The following ARFGEF3 variants were observed in gnomAD, a reference collection of about 807,000 sequenced individuals.
ARFGEF3 encodes brefeldin A-inhibited guanine nucleotide-exchange protein 3.
A neutral mutation model predicts 221.7 loss-of-function variants in ARFGEF3; 96 were observed. The observed-to-expected ratio is 0.43, with a 90% confidence interval of 0.37 to 0.51. The LOEUF is 0.51. Ranked by LOEUF, ARFGEF3 falls within the 20% of genes least tolerant of loss-of-function variation. ARFGEF3 has a pLI of 0.00. For missense variants in ARFGEF3, 2,410 were observed against 2,789.9 expected (o/e 0.86, Z 3.07); for synonymous variants, 1,145 against 1,126.8 (o/e 1.02, Z -0.32).
intron 4 of ARFGEF3, chr6:138,216,078 A>C (rs1013454354): frequency 6.6e-6 from 1 of 151,738 alleles, no homozygotes; most frequent in African/African-American, 2.4e-5. Context: ...TTCCGGGTTC[A>C]AGCAATTCTC....
intron 2 of ARFGEF3, among the ~76,000 whole-genome samples, chr6:138,196,937 G>A (rs902597621): frequency 6.6e-6 from 1 of 151,948 alleles, no homozygotes; most frequent in African/African-American, 2.4e-5. Context: ...GGGTTCAAAC[G>A]ATTCTCCTGC....
chr6:138,342,840 G>A lies in ARFGEF3; in HGVS notation c.*6354G>A, dbSNP rs1237670169. 1 of 152,064 alleles carries A rather than the reference G, an allele frequency of 6.6e-6. No individual in the cohort carries two copies. Among genetic ancestry groups the A allele is most frequent in the South Asian group, 2.1e-4 (1 of 4,820 alleles). 9.4% of individuals were successfully genotyped at this position (152,064 alleles called of 1,614,324 possible). ...ACCTTCATCTTTCATTTAATTTTCTGGCGTAAATTAACATTTTAATTTCAT... is the reference window on the plus strand; with the variant it reads ...ACCTTCATCTTTCATTTAATTTTCTAGCGTAAATTAACATTTTAATTTCAT... On this transcript the variant is annotated 3_prime_UTR_variant, in exon 34 of 34. Coordinates refer to ENST00000251691, the MANE Select transcript of ARFGEF3 (RefSeq NM_020340.5).
At chr6:138,303,817 G>A (rs752603815) in intron 22 of ARFGEF3, among the ~76,000 whole-genome samples, 35 of 136,036 alleles carry the variant, frequency 2.6e-4, no homozygotes, top group East Asian at 7.0e-4. Flanking sequence ...AGCCAAGATC[G>A]TGCCATTGCG....
chr6:138,201,064 C>CA (rs1204221420), intron 2 of ARFGEF3, among the ~76,000 whole-genome samples: 1 of 151,972 alleles, frequency 6.6e-6, no homozygotes, highest in East Asian at 1.9e-4. Context: ...GACAAACATA[C>CA]AAAAAAATGC....
At chr6:138,218,120 A>G in intron 4 of ARFGEF3, 1 of 1,613,914 alleles carries the variant, frequency 6.2e-7, no homozygotes, top group Non-Finnish European at 8.5e-7. Flanking sequence ...TCATTGAGGA[A>G]CCTTTCATGG....
intron 12 of ARFGEF3, among the ~76,000 whole-genome samples, chr6:138,273,712 C>T (rs1317182138): frequency 6.6e-6 from 1 of 152,098 alleles, no homozygotes; most frequent in East Asian, 1.9e-4. Context: ...GTCTCTGGGG[C>T]ACTTTCCTTA....
chr6:138,268,309 C>G (rs1457423507), intron 12 of ARFGEF3, among the ~76,000 whole-genome samples: 1 of 152,146 alleles, frequency 6.6e-6, no homozygotes, highest in Non-Finnish European at 1.5e-5. Flanking sequence ...GTTATAAACC[C>G]TTTCTTTGAC....
intron 5 of ARFGEF3, among the ~76,000 whole-genome samples, chr6:138,236,995 C>G (rs1319781271): frequency 3.8e-5 from 2 of 52,902 alleles, no homozygotes; most frequent in Non-Finnish European, 6.5e-5. Flanking sequence ...GTTGAGAAGA[C>G]TGCCTTTTTT....
chr6:138,278,288 G>A (rs1288646857), intron 12 of ARFGEF3, among the ~76,000 whole-genome samples, 163 bp from the exon 13 acceptor site: 1 of 152,164 alleles, frequency 6.6e-6, no homozygotes, highest in Non-Finnish European at 1.5e-5. Context: ...ACCAGGCTGG[G>A]GTGTGTATCT....
chr6:138,280,270 A>G (rs1779175522), intron 14 of ARFGEF3, 106 bp downstream of exon 14: 1 of 1,096,674 alleles, frequency 9.1e-7, no homozygotes, highest in Non-Finnish European at 1.3e-6. Context: ...ACTTTGAAAC[A>G]GCACCCACAA....
Position 138,313,899 on chromosome 6 carries a change from T to C in ARFGEF3, c.4305T>C (p.Asp1435=), listed in dbSNP as rs146443960. ...RLQEQSASSE[D]GIESVLSDFD... ...AGGAACAGTCAGCCAGCAGTGAGGA[T>C]GGAATTGAATCAGTCCTGTCTGATT... The change falls in exon 26 of 34, where the codon GAT becomes GAC. Residue 1435 remains aspartate, a synonymous_variant. Transcript: ENST00000251691. 15 of 1,613,748 alleles carry C rather than the reference T, an allele frequency of 9.3e-6. No individual in the cohort carries two copies. The highest frequency in any genetic ancestry group is 1.2e-5 in the Non-Finnish European group (14 of 1,179,852).
chr6:138,193,823 A>G (rs1023200760), intron 2 of ARFGEF3, among the ~76,000 whole-genome samples: 2 of 152,232 alleles, frequency 1.3e-5, no homozygotes, highest in African/African-American at 2.4e-5. Context: ...TGAAGAGAAT[A>G]TGAAGTCAGT....
chr6:138,264,273 A>G (rs1778845453), intron 12 of ARFGEF3, among the ~76,000 whole-genome samples: 1 of 152,260 alleles, frequency 6.6e-6, no homozygotes, highest in East Asian at 1.9e-4. Flanking sequence ...GAGGAAGCAG[A>G]TAAAGAATAC....
At chr6:138,242,699 A>G (rs916002196) in intron 6 of ARFGEF3, among the ~76,000 whole-genome samples, 3 of 152,206 alleles carry the variant, frequency 2.0e-5, no homozygotes, top group Non-Finnish European at 4.4e-5. Context: ...TCCACGCCAG[A>G]GTGTCCACAC....
chr6:138,254,274 G>A (rs943092110), intron 9 of ARFGEF3, among the ~76,000 whole-genome samples: 1 of 151,728 alleles, frequency 6.6e-6, no homozygotes, highest in African/African-American at 2.4e-5. Context: ...AAAATAGCTG[G>A]GCATGGCAGT....
At position 138,170,637 on chromosome 6, in the gene ARFGEF3, T is replaced by A. The variant is rs750782534; in HGVS notation, c.86-25T>A. 4.0e-5 allele frequency: 55 copies of A among 1,358,494 alleles called. No homozygotes were observed. In the East Asian group the frequency reaches 1.2e-3, roughly 29 times the overall value. 84.2% of individuals were successfully genotyped at this position (1,358,494 alleles called of 1,614,324 possible). A position where few individuals can be genotyped will look rare whatever the true frequency, so the allele number is the denominator to read the frequency against. On this transcript the variant is annotated intron_variant, in intron 1 of 33. Coordinates refer to ENST00000251691, the MANE Select transcript of ARFGEF3 (RefSeq NM_020340.5). ...ATTCTCAGTGTTTAAATATTTATTTTAACTTTGTAATTTTTCTTTTGCAGA... is the reference window on the plus strand; with the variant it reads ...ATTCTCAGTGTTTAAATATTTATTTAAACTTTGTAATTTTTCTTTTGCAGA...
At chr6:138,292,670 A>G (rs1443410389) in intron 19 of ARFGEF3, among the ~76,000 whole-genome samples, 1 of 151,994 alleles carries the variant, frequency 6.6e-6, no homozygotes, top group Admixed American at 6.5e-5. Flanking sequence ...CGGCACGGGC[A>G]CAGGGAGGAC....
intron 10 of ARFGEF3, among the ~76,000 whole-genome samples, chr6:138,256,778 T>TTTTA (rs558137442): frequency 2.0e-4 from 30 of 152,050 alleles, no homozygotes; most frequent in East Asian, 3.9e-4. Context: ...GTATATCAAC[T>TTTTA]TTTATTTATT....
At chr6:138,170,158 A>G (rs540913396) in intron 1 of ARFGEF3, among the ~76,000 whole-genome samples, 88 of 152,352 alleles carry the variant, frequency 5.8e-4, no homozygotes, top group African/African-American at 2.0e-3. Flanking sequence ...GAGCCTTCCA[A>G]TCAATATCCT....
Sources: gnomAD v4.1 joint callset for allele counts (sites outside exome capture counted in the v4.1 genomes callset) on GRCh38, gnomAD v4.1.1 for gene constraint, MANE v1.5 for transcripts, NCBI Gene and HGNC (gene_info 2026-07-23, HGNC 2026-07-21) for gene names.